Variants in INPP5K observed in about 807,000 individuals in gnomAD.
INPP5K encodes the protein inositol polyphosphate 5-phosphatase K.
INPP5K carries 35 observed loss-of-function variants against 53.5 expected under a neutral mutation model. The observed-to-expected ratio is 0.65, with a 90% CI of 0.50 to 0.87. The LOEUF is 0.87. Ranked by LOEUF, INPP5K falls within the 40% of genes least tolerant of loss-of-function variation. INPP5K has a pLI of 0.00. For missense variants in INPP5K, 550 were observed against 586.2 expected (o/e 0.94, Z 0.64); for synonymous variants, 253 against 232.8 (o/e 1.09, Z -0.79).
chr17:1,513,888 C>G lies in INPP5K; in HGVS notation c.136G>C (p.Asp46His). 1 of 1,612,750 alleles carries G rather than the reference C, an allele frequency of 6.2e-7. No homozygotes were observed. Among genetic ancestry groups the G allele is most frequent in the Non-Finnish European group, 8.5e-7 (1 of 1,179,074 alleles). ...LQLNNRNLNL[D>H]IYVIGLQELN... The stretch of plus-strand genomic sequence containing the variant: ...GATACCTACCCAATAACATATATGT[C>G]AAGATTGAGGTTCCGGTTGTTCAGC... Residue 46 changes from aspartate (D) to histidine (H), a missense_variant, in exon 2 of 12, where the codon GAC (aspartate) becomes CAC (histidine). Transcript: ENST00000421807.
chr17:1,509,701 A>G lies in INPP5K; in HGVS notation c.360T>C (p.Thr120=). 6.2e-7 allele frequency: 1 copy of G among 1,607,404 alleles called. No individual in the cohort carries two copies. The highest frequency in any genetic ancestry group is 8.5e-7 in the Non-Finnish European group (1 of 1,173,920). The part of the protein sequence containing the change: ...IQILSTKSTP[T]GLFGYWGNKG... The stretch of plus-strand genomic sequence containing the variant: ...TCCTTACCCAGTACCCAAACAGGCC[A>G]GTGGGGGTGGATTTAGTAGACAGAA... The change falls in exon 4 of 12, where the codon ACT becomes ACC. Residue 120 remains threonine (T), a synonymous_variant. Transcript: ENST00000421807.
chr17:1,501,528 G>C (rs2075012452), intron 7 of INPP5K, among the ~76,000 whole-genome samples: 1 of 152,234 alleles, frequency 6.6e-6, no homozygotes. Flanking sequence ...TGAAATTAAA[G>C]GGCGTCAAGG....
chr17:1,498,268 G>C, intron 7 of INPP5K, 146 bp from the exon 8 acceptor site: 2 of 629,208 alleles, frequency 3.2e-6, no homozygotes, highest in Admixed American at 2.9e-5. Context: ...GAGCCGGAGG[G>C]AGCAAGGCAG....
intron 7 of INPP5K, among the ~76,000 whole-genome samples, chr17:1,505,772 G>A (rs369615305): frequency 6.6e-6 from 1 of 152,142 alleles, no homozygotes; most frequent in Non-Finnish European, 1.5e-5. Context: ...CTGCCCTGCC[G>A]GTACCTCCCG....
intron 7 of INPP5K, among the ~76,000 whole-genome samples, chr17:1,502,321 C>A (rs892071175): frequency 7.2e-5 from 11 of 152,110 alleles, no homozygotes; most frequent in African/African-American, 2.7e-4. Flanking sequence ...TGCACTCCAG[C>A]CTGGGCGACA....
chr17:1,506,789 A>C (rs1598380369), intron 7 of INPP5K, among the ~76,000 whole-genome samples, 191 bp downstream of exon 7: 3 of 138,962 alleles, frequency 2.2e-5, no homozygotes, highest in Non-Finnish European at 4.7e-5. Flanking sequence ...CTTTCCTCCC[A>C]CTCTCTCGAG....
chr17:1,507,863 A>G (rs537565829), intron 6 of INPP5K, among the ~76,000 whole-genome samples: 6 of 152,116 alleles, frequency 3.9e-5, no homozygotes, highest in Non-Finnish European at 5.9e-5. Context: ...TCTTTTTTAA[A>G]TAATTCATTT....
At position 1,513,875 on chromosome 17, in the gene INPP5K, A is replaced by G. The variant is rs1060505038; in HGVS notation, c.149T>C (p.Ile50Thr). The change falls in exon 2 of 12, where the codon ATT (isoleucine) becomes ACT (threonine). Residue 50 changes from isoleucine (I) to threonine (T), a missense_variant. Transcript: ENST00000421807. ...GAAGGAGCCTGCAGATACCTACCCAATAACATATATGTCAAGATTGAGGTT... is the reference window on the plus strand; with the variant it reads ...GAAGGAGCCTGCAGATACCTACCCAGTAACATATATGTCAAGATTGAGGTT... Reference protein sequence around the residue: ...NRNLNLDIYVIGLQELNSGII... With the variant: ...NRNLNLDIYVTGLQELNSGII... 8 of 1,609,652 alleles carry G rather than the reference A, an allele frequency of 5.0e-6. No homozygotes were observed. In the South Asian group the frequency reaches 6.6e-5, roughly 13 times the overall value.
At position 1,496,533 on chromosome 17, in the gene INPP5K, G is replaced by C. The variant is rs117012422; in HGVS notation, c.1102-131C>G. On this transcript the variant is annotated intron_variant, in intron 9 of 11. Coordinates refer to ENST00000421807, the MANE Select transcript of INPP5K (RefSeq NM_016532.4). ...GCCTCCCCGCCGCCCTTCACTGCCA[G>C]CCTTTAGCTACAGAAGAACCGCTGG... 10 of 1,382,386 alleles carry C rather than the reference G, an allele frequency of 7.2e-6. No homozygotes were observed. In the East Asian group the frequency reaches 2.3e-4, roughly 32 times the overall value. 85.6% of individuals were successfully genotyped at this position (1,382,386 alleles called of 1,614,324 possible).
At chr17:1,498,988 C>T (rs1459609483) in intron 7 of INPP5K, among the ~76,000 whole-genome samples, 1 of 152,120 alleles carries the variant, frequency 6.6e-6, no homozygotes, top group African/African-American at 2.4e-5. Flanking sequence ...AGTGGTGGAG[C>T]CAGGATTCAG....
At chr17:1,502,139 GGAC>G in intron 7 of INPP5K, among the ~76,000 whole-genome samples, 1 of 151,704 alleles carries the variant, frequency 6.6e-6, no homozygotes, top group East Asian at 1.9e-4. Context: ...CATGAGGTCA[GGAC>G]ATGGAGACCA....
At chr17:1,496,471 G>T in intron 9 of INPP5K, 69 bp from the exon 10 acceptor site, 1 of 1,393,630 alleles carries the variant, frequency 7.2e-7, no homozygotes, top group Non-Finnish European at 1.0e-6. Flanking sequence ...CTAAGGAAGA[G>T]ATGGTCTCCC....
intron 5 of INPP5K, chr17:1,508,608 C>T: frequency 6.6e-6 from 2 of 302,584 alleles, no homozygotes; most frequent in South Asian, 6.4e-5. Context: ...GGACCCCAGG[C>T]AGGCAAAGCA....
chr17:1,510,206 T>G (rs2075275369), intron 3 of INPP5K, among the ~76,000 whole-genome samples: 1 of 152,260 alleles, frequency 6.6e-6, no homozygotes, highest in South Asian at 2.1e-4. Context: ...AAAGCTATTA[T>G]TTTTTGGTTT....
At chr17:1,499,275 G>A (rs1023128269) in intron 7 of INPP5K, among the ~76,000 whole-genome samples, 5 of 152,154 alleles carry the variant, frequency 3.3e-5, no homozygotes, top group African/African-American at 7.2e-5. Flanking sequence ...CACTTTGGGA[G>A]GCCAGGGTGG....
In INPP5K at chr17:1,509,707, G is replaced by T; in HGVS notation, c.354C>A (p.Thr118=). 6.2e-7 allele frequency: 1 copy of T among 1,611,004 alleles called. No individual in the cohort carries two copies. ...CCCAGTACCCAAACAGGCCAGTGGG[G>T]GTGGATTTAGTAGACAGAATCTGGA... The part of the protein sequence containing the change: ...PYIQILSTKS[T]PTGLFGYWGN... The change falls in exon 4 of 12, where the codon ACC becomes ACA. Residue 118 remains threonine (T), a synonymous_variant. Coordinates refer to ENST00000421807, the MANE Select transcript of INPP5K (RefSeq NM_016532.4).
Position 1,507,645 on chromosome 17 carries a change from A to T in INPP5K, c.666+470T>A, listed in dbSNP as rs533075946. The T allele has an allele frequency of 2.6e-3, 401 of 155,772 alleles. 6 individuals carry two copies. The highest frequency in any genetic ancestry group is 2.1e-3 in the Non-Finnish European group (145 of 70,722). The allele number at this position is 155,772 out of a possible 1,614,324, so 9.6% of individuals were successfully genotyped here. On this transcript the variant is annotated intron_variant, in intron 6 of 11. Coordinates refer to ENST00000421807, the MANE Select transcript of INPP5K (RefSeq NM_016532.4). ...AACCTCTGCCTCCCGGGTTCAAGCGATTCCCCTACCTCAGCCTCCCGAGTA... is the reference window on the plus strand; with the variant it reads ...AACCTCTGCCTCCCGGGTTCAAGCGTTTCCCCTACCTCAGCCTCCCGAGTA...
chr17:1,515,798 G>A, intron 1 of INPP5K: 1 of 721,164 alleles, frequency 1.4e-6, no homozygotes, highest in South Asian at 6.2e-5. Flanking sequence ...GAGATTTTGA[G>A]CTTCATTTGT....
At chr17:1,513,232 C>T (rs897608304) in intron 3 of INPP5K, among the ~76,000 whole-genome samples, 2 of 152,138 alleles carry the variant, frequency 1.3e-5, no homozygotes, top group African/African-American at 4.8e-5. Flanking sequence ...TGAAACATAT[C>T]CAGGTGTTAA....
Sources: gnomAD v4.1 joint callset for allele counts (sites outside exome capture counted in the v4.1 genomes callset) on GRCh38, gnomAD v4.1.1 for gene constraint, MANE v1.5 for transcripts, NCBI Gene and HGNC (gene_info 2026-07-23, HGNC 2026-07-21) for gene names.